The following CLEC16A variants were observed in gnomAD, a reference collection of about 807,000 sequenced individuals.
CLEC16A encodes protein CLEC16A.
CLEC16A carries 51 observed loss-of-function variants against 109.5 expected under a neutral mutation model. That is an observed-to-expected ratio of 0.47 (90% CI 0.37 to 0.59). The LOEUF (loss-of-function observed/expected upper bound fraction) is 0.59. Ranked by LOEUF, CLEC16A falls within the 20% of genes least tolerant of loss-of-function variation. The probability of loss-of-function intolerance (pLI) is 0.00; values close to 1 mark genes in which losing one functional copy is unlikely to be tolerated. For missense variants in CLEC16A, 1,339 were observed against 1,394.0 expected, an observed-to-expected ratio of 0.96 and a Z score of 0.63; for synonymous variants, 673 against 564.2, an observed-to-expected ratio of 1.19 and a Z score of -2.73.
chr16:11,035,786 C>G (rs912264634), intron 13 of CLEC16A, among the ~76,000 whole-genome samples: 3 of 152,198 alleles, frequency 2.0e-5, no homozygotes, highest in African/African-American at 7.2e-5. Context: ...CTGTCCTTCC[C>G]CAGAGAGACT....
intron 7 of CLEC16A, among the ~76,000 whole-genome samples, chr16:10,975,512 A>G (rs1455038232): frequency 6.6e-6 from 1 of 152,256 alleles, no homozygotes; most frequent in Non-Finnish European, 1.5e-5. Context: ...GTTCCAAAGT[A>G]TCTTATTAAG....
intron 3 of CLEC16A, among the ~76,000 whole-genome samples, chr16:10,967,250 G>A (rs113309684): frequency 6.6e-6 from 1 of 152,098 alleles, no homozygotes; most frequent in Non-Finnish European, 1.5e-5. Context: ...ATTCCTCTTT[G>A]TGGTGTTTTT....
At chr16:11,075,416 G>GTGTA (rs2049311243) in intron 19 of CLEC16A, among the ~76,000 whole-genome samples, 1 of 136,094 alleles carries the variant, frequency 7.3e-6, no homozygotes, top group East Asian at 2.1e-4. Context: ...GTGTGTCTGT[G>GTGTA]TGTGTGTGTG....
chr16:11,178,398 A>C lies in CLEC16A; in HGVS notation c.2870A>C (p.Glu957Ala). ...CCTGACCAGTTGGTAATCGTCAACG[A>C]AACGGAAGCAGACTCTAAGCCCAGC... ...HLPDQLVIVN[E>A]TEADSKPSKN... The change falls in exon 24 of 24, where the codon GAA becomes GCA. Residue 957 changes from glutamate to alanine, a missense_variant. This residue lies in a region of CLEC16A where 1,061 missense variants were observed against 1,006.8 expected (regional missense o/e 1.05). Transcript: ENST00000409790. This position sits in a 1 kb window ranked among gnomAD's most constrained non-coding sequence, Gnocchi z 6.5. 6.2e-7 allele frequency: 1 copy of C among 1,613,850 alleles called. No homozygotes were observed. Among genetic ancestry groups the C allele is most frequent in the Non-Finnish European group, 8.5e-7 (1 of 1,179,886 alleles).
At chr16:11,126,400 T>C (rs566815894) in intron 22 of CLEC16A, 33 of 1,431,328 alleles carry the variant, frequency 2.3e-5, no homozygotes, top group South Asian at 2.0e-4. Context: ...CTTCTCAGAA[T>C]TGACTAAGAA....
intron 22 of CLEC16A, among the ~76,000 whole-genome samples, chr16:11,162,486 A>C (rs1259548337): frequency 6.6e-6 from 1 of 152,136 alleles, no homozygotes; most frequent in Non-Finnish European, 1.5e-5. Flanking sequence ...GAAAATTCAG[A>C]CAAGCACAAA....
At chr16:10,966,400 G>A (rs1007370670) in intron 3 of CLEC16A, among the ~76,000 whole-genome samples, 4 of 152,184 alleles carry the variant, frequency 2.6e-5, no homozygotes, top group African/African-American at 9.7e-5. Context: ...TTGCATTGGG[G>A]TAGCGGGTAC....
At chr16:11,001,730 T>C (rs2044680986) in intron 10 of CLEC16A, among the ~76,000 whole-genome samples, 1 of 152,024 alleles carries the variant, frequency 6.6e-6, no homozygotes, top group Admixed American at 6.6e-5. Context: ...AGCCTTGACC[T>C]CCCAGCCTCA....
chr16:10,972,613 T>C lies in CLEC16A; in HGVS notation c.604+54T>C, dbSNP rs1226782477. 4.0e-6 allele frequency: 6 copies of C among 1,507,064 alleles called. No individual in the cohort carries two copies. The East Asian group carries it at 1.4e-4, about 34-fold the overall frequency. 93.4% of individuals were successfully genotyped at this position (1,507,064 alleles called of 1,614,324 possible). A position where few individuals can be genotyped will look rare whatever the true frequency, so the allele number is the denominator to read the frequency against. ...TTCTTAATCTACCCTTATATGTAAA[T>C]ACCTTGCTTGAGAATGGTGTAATTC... On this transcript the variant is annotated intron_variant, in intron 6 of 23. Transcript: ENST00000409790.
chr16:11,073,778 C>G (rs1401463448), intron 19 of CLEC16A, among the ~76,000 whole-genome samples: 1 of 152,194 alleles, frequency 6.6e-6, no homozygotes, highest in African/African-American at 2.4e-5. Flanking sequence ...TCCCTAGGGC[C>G]TGGCACAGGG....
rs146514709 is a variant in CLEC16A at position 11,155,892 on chromosome 16, G to A, written c.2642-10496G>A. Among the ~76,000 whole-genome samples, 1,308 of 152,330 alleles carry A rather than the reference G, an allele frequency of 8.6e-3. 20 individuals are homozygous for A. Among genetic ancestry groups the A allele is most frequent in the African/African-American group, 0.03 (1,233 of 41,576 alleles). On this transcript the variant is annotated intron_variant, in intron 22 of 23. Coordinates refer to ENST00000409790, the MANE Select transcript of CLEC16A (RefSeq NM_015226.3). Reference sequence around the variant, plus strand: ...CATACTAAGTATGTGTCAACGGCAGGTGCCTTTTGCAGAGAATCAAGACTA... The same window carrying A: ...CATACTAAGTATGTGTCAACGGCAGATGCCTTTTGCAGAGAATCAAGACTA...
intron 19 of CLEC16A, among the ~76,000 whole-genome samples, chr16:11,103,560 A>G (rs778106310): frequency 2.0e-5 from 3 of 152,186 alleles, no homozygotes; most frequent in Non-Finnish European, 2.9e-5. Context: ...AGCCTGGGCA[A>G]CACAACAAAA....
chr16:10,978,913 C>T (rs900236629), intron 8 of CLEC16A, among the ~76,000 whole-genome samples: 2 of 152,128 alleles, frequency 1.3e-5, no homozygotes, highest in Admixed American at 6.6e-5. Flanking sequence ...TCATTATAAA[C>T]GAGGGGCTTT....
intron 10 of CLEC16A, among the ~76,000 whole-genome samples, chr16:10,986,012 ATTTTTTTTTTTTTTTTTTTT>A (rs59547466): frequency 9.2e-5 from 4 of 43,436 alleles, no homozygotes; most frequent in Non-Finnish European, 1.5e-4. Context: ...GGCCTGCAGA[ATTTTTTTTTTTTTTTTTTTT>A]TTTTTTTTTT....
At chr16:11,156,387 ACAC>A (rs2054520476) in intron 22 of CLEC16A, among the ~76,000 whole-genome samples, 1 of 148,338 alleles carries the variant, frequency 6.7e-6, no homozygotes, top group Non-Finnish European at 1.5e-5. Flanking sequence ...AAAAAAAAAA[ACAC>A]AACTAATCTG....
intron 13 of CLEC16A, among the ~76,000 whole-genome samples, chr16:11,034,610 C>T (rs953343279): frequency 2.6e-5 from 4 of 152,050 alleles, no homozygotes; most frequent in Non-Finnish European, 4.4e-5. Context: ...CAGGGGACAC[C>T]CGTTCTGAGT....
intron 18 of CLEC16A, among the ~76,000 whole-genome samples, chr16:11,053,609 G>T (rs370539265): frequency 1.3e-5 from 2 of 152,100 alleles, no homozygotes; most frequent in Non-Finnish European, 2.9e-5. Context: ...GGACCCAAGC[G>T]ATCCGCCCAC....
intron 18 of CLEC16A, among the ~76,000 whole-genome samples, chr16:11,052,475 G>A (rs2048000394): frequency 6.6e-6 from 1 of 152,182 alleles, no homozygotes; most frequent in Admixed American, 6.5e-5. Flanking sequence ...CTTCCTCCCT[G>A]CAGCTGGTGG....
intron 10 of CLEC16A, among the ~76,000 whole-genome samples, chr16:10,993,316 T>A (rs1161760405): frequency 6.6e-6 from 1 of 151,952 alleles, no homozygotes; most frequent in Non-Finnish European, 1.5e-5. Context: ...GAGGCGGAGG[T>A]TGCAGTGAGC....
Sources: allele counts gnomAD v4.1 joint callset (sites outside exome capture counted in the v4.1 genomes callset), GRCh38; gene constraint gnomAD v4.1.1; regional missense constraint gnomAD v4.1.1; non-coding constraint Gnocchi (gnomAD v3.1); transcripts MANE v1.5; gene names NCBI Gene and HGNC (gene_info 2026-07-23, HGNC 2026-07-21).